Variants in KIAA0825 observed in about 807,000 individuals in gnomAD.
KIAA0825 encodes the protein KIAA0825, also known as uncharacterized protein KIAA0825.
In KIAA0825, 119 loss-of-function variants were observed where a neutral mutation model predicts 147.6. That is an observed-to-expected ratio of 0.81 (90% confidence interval 0.69 to 0.94). The LOEUF (loss-of-function observed/expected upper bound fraction) is 0.94. Among genes scored for constraint, KIAA0825 ranks in the 40% least tolerant of loss-of-function variants. The probability of loss-of-function intolerance (pLI) is 0.00; values close to 1 mark genes in which losing one functional copy is unlikely to be tolerated. For missense variants in KIAA0825, 1,381 were observed against 1,472.7 expected, an observed-to-expected ratio of 0.94 and a Z score of 1.02; for synonymous variants, 470 against 518.1, an observed-to-expected ratio of 0.91 and a Z score of 1.26.
At chr5:94,495,826 T>C (rs753550675) in intron 5 of KIAA0825, among the ~76,000 whole-genome samples, 1 of 152,258 alleles carries the variant, frequency 6.6e-6, no homozygotes, top group Non-Finnish European at 1.5e-5. Context: ...GTTTGTTTCA[T>C]GGGAATTCTT....
chr5:94,162,258 T>G (rs1767654409), intron 20 of KIAA0825, among the ~76,000 whole-genome samples: 1 of 152,166 alleles, frequency 6.6e-6, no homozygotes, highest in African/African-American at 2.4e-5. Context: ...TATGAAAACT[T>G]TCTCCAGGGA....
At chr5:94,594,610 C>T in intron 1 of KIAA0825, 1 of 672,516 alleles carries the variant, frequency 1.5e-6, no homozygotes, top group Non-Finnish European at 2.8e-6. Context: ...GATTCAAAAG[C>T]ATTTTGTAGA....
chr5:94,614,255 A>G (rs1789757459), intron 1 of KIAA0825, among the ~76,000 whole-genome samples: 1 of 152,218 alleles, frequency 6.6e-6, no homozygotes, highest in African/African-American at 2.4e-5. Flanking sequence ...AATCTGTAAT[A>G]CAGAGAAAAA....
At chr5:94,247,692 T>A (rs773346975) in intron 20 of KIAA0825, among the ~76,000 whole-genome samples, 3 of 152,268 alleles carry the variant, frequency 2.0e-5, no homozygotes, top group Non-Finnish European at 4.4e-5. Flanking sequence ...TCGAAGAATA[T>A]TTCCAGTGCT....
intron 5 of KIAA0825, among the ~76,000 whole-genome samples, chr5:94,513,123 T>G (rs931061746): frequency 3.9e-5 from 6 of 152,202 alleles, no homozygotes; most frequent in African/African-American, 1.4e-4. Context: ...TAGTATAGTT[T>G]TATTCTAAAC....
intron 18 of KIAA0825, among the ~76,000 whole-genome samples, chr5:94,390,736 T>C (rs879288599): frequency 7.2e-5 from 11 of 152,196 alleles, no homozygotes; most frequent in Non-Finnish European, 1.0e-4. Flanking sequence ...TCAAATTTAA[T>C]TTATTCCCTG....
At chr5:94,261,905 A>G (rs988307114) in intron 20 of KIAA0825, among the ~76,000 whole-genome samples, 5 of 152,066 alleles carry the variant, frequency 3.3e-5, no homozygotes, top group African/African-American at 7.2e-5. Context: ...CCCTGATTCA[A>G]TCTATTCTCC....
At chr5:94,584,874 G>C (rs916851373) in intron 1 of KIAA0825, among the ~76,000 whole-genome samples, 7 of 152,116 alleles carry the variant, frequency 4.6e-5, no homozygotes, top group African/African-American at 1.7e-4. Context: ...GAAGAGAGTG[G>C]GGGCCAAAAT....
intron 2 of KIAA0825, among the ~76,000 whole-genome samples, chr5:94,578,446 C>T (rs1006943934): frequency 6.6e-6 from 1 of 152,126 alleles, no homozygotes; most frequent in Non-Finnish European, 1.5e-5. Flanking sequence ...CAGTGGGATA[C>T]ACTAGGATTT....
chr5:94,471,819 T>TTTAG, intron 8 of KIAA0825, 88 bp from the exon 9 acceptor site: 15 of 1,183,754 alleles, frequency 1.3e-5, no homozygotes, highest in African/African-American at 1.5e-5. Flanking sequence ...TCCTAAATAA[T>TTTAG]GAATTTGGCA....
chr5:94,617,097 TAAATA>T (rs1342441214), intron 1 of KIAA0825, among the ~76,000 whole-genome samples: 6 of 152,174 alleles, frequency 3.9e-5, no homozygotes, highest in Non-Finnish European at 8.8e-5. Context: ...TATTAAACAT[TAAATA>T]AAATAATAAA....
intron 2 of KIAA0825, among the ~76,000 whole-genome samples, chr5:94,574,806 C>G (rs542918840): frequency 2.0e-5 from 3 of 152,046 alleles, no homozygotes; most frequent in Non-Finnish European, 4.4e-5. Context: ...CTCACTGCAG[C>G]CTTGAACTTT....
chr5:94,611,277 G>A (rs1388434432), intron 1 of KIAA0825, among the ~76,000 whole-genome samples: 1 of 152,120 alleles, frequency 6.6e-6, no homozygotes, highest in Non-Finnish European at 1.5e-5. Flanking sequence ...TATCCATTAT[G>A]TTAAATCGCC....
chr5:94,416,874 T>TA (rs1753537078), intron 15 of KIAA0825: 1 of 196,412 alleles, frequency 5.1e-6, no homozygotes, highest in Non-Finnish European at 1.1e-5. Context: ...TTTCACATCT[T>TA]ACTAATATCT....
intron 20 of KIAA0825, among the ~76,000 whole-genome samples, chr5:94,168,383 C>T (rs557844188): frequency 1.8e-4 from 27 of 152,188 alleles, no homozygotes; most frequent in African/African-American, 4.8e-4. Context: ...TTATAGCCTT[C>T]GGAGACAATC....
At chr5:94,272,476 C>T (rs900630306) in intron 20 of KIAA0825, among the ~76,000 whole-genome samples, 2 of 151,948 alleles carry the variant, frequency 1.3e-5, no homozygotes, top group Non-Finnish European at 2.9e-5. Flanking sequence ...TATACACCTA[C>T]TATGTACCCA....
At position 94,423,781 on chromosome 5, in the gene KIAA0825, C is replaced by T. The variant is rs145808626; in HGVS notation, c.2498-6416G>A. Among the ~76,000 whole-genome samples, 582 of 152,080 alleles carry T rather than the reference C, an allele frequency of 3.8e-3. 6 individuals are homozygous for T. Among genetic ancestry groups the T allele is most frequent in the Middle Eastern group, 0.02 (6 of 294 alleles). On this transcript the variant is annotated intron_variant, in intron 14 of 20. Coordinates refer to ENST00000682413, the MANE Select transcript of KIAA0825 (RefSeq NM_001145678.3). ...AGAAAGTATAAAAATAGAAATTATACCATGTAAAATGAGGATTTAAAACTT... is the reference window on the plus strand; with the variant it reads ...AGAAAGTATAAAAATAGAAATTATATCATGTAAAATGAGGATTTAAAACTT...
intron 2 of KIAA0825, among the ~76,000 whole-genome samples, chr5:94,538,600 T>C (rs1171124988): frequency 1.3e-5 from 2 of 152,232 alleles, no homozygotes; most frequent in Non-Finnish European, 2.9e-5. Context: ...ATTCATTTGG[T>C]TAAACTTGAT....
At chr5:94,578,497 A>G (rs1584947045) in intron 2 of KIAA0825, among the ~76,000 whole-genome samples, 2 of 152,206 alleles carry the variant, frequency 1.3e-5, no homozygotes, top group East Asian at 1.9e-4. Flanking sequence ...CTGCCTCTAT[A>G]TAAATGCTTT....
Sources: gnomAD v4.1 joint callset for allele counts (sites outside exome capture counted in the v4.1 genomes callset) on GRCh38, gnomAD v4.1.1 for gene constraint, MANE v1.5 for transcripts, NCBI Gene and HGNC (gene_info 2026-07-23, HGNC 2026-07-21) for gene names.